The following ADAMTS6 variants were observed in gnomAD, a reference collection of about 807,000 sequenced individuals.
ADAMTS6 encodes the protein A disintegrin and metalloproteinase with thrombospondin motifs 6.
ADAMTS6 carries 23 observed loss-of-function variants against 144.3 expected under a neutral mutation model. The observed-to-expected ratio is 0.16, with a 90% CI of 0.11 to 0.23. ADAMTS6 has a LOEUF of 0.23. Among genes scored for constraint, ADAMTS6 ranks in the 10% least tolerant of loss-of-function variants. The pLI is 1.00. For synonymous variants in ADAMTS6, 444 were observed against 457.5 expected, an observed-to-expected ratio of 0.97 and a Z score of 0.38; for missense variants, 999 against 1,379.6, an observed-to-expected ratio of 0.72 and a Z score of 4.37.
intron 7 of ADAMTS6, among the ~76,000 whole-genome samples, chr5:65,448,572 C>T (rs1227846808): frequency 6.6e-6 from 1 of 152,024 alleles, no homozygotes; most frequent in African/African-American, 2.4e-5. Context: ...CCTGCCTCAG[C>T]CTCCTGAGTA....
intron 22 of ADAMTS6, among the ~76,000 whole-genome samples, chr5:65,174,378 G>A (rs1753829067): frequency 6.6e-6 from 1 of 152,202 alleles, no homozygotes; most frequent in African/African-American, 2.4e-5. Context: ...CCTGCCCTGT[G>A]GAGCATCCCT....
At chr5:65,341,116 G>A (rs1400460489) in intron 7 of ADAMTS6, among the ~76,000 whole-genome samples, 1 of 151,822 alleles carries the variant, frequency 6.6e-6, no homozygotes, top group African/African-American at 2.4e-5. Context: ...ACAAATGGAT[G>A]AAGGAATAAA....
intron 7 of ADAMTS6, among the ~76,000 whole-genome samples, chr5:65,449,666 T>C (rs1213700904): frequency 6.6e-6 from 1 of 151,996 alleles, no homozygotes; most frequent in Non-Finnish European, 1.5e-5. Flanking sequence ...TAAAAATTTA[T>C]GTTTAAATCT....
At chr5:65,449,562 A>C (rs1360598469) in intron 7 of ADAMTS6, among the ~76,000 whole-genome samples, 1 of 152,156 alleles carries the variant, frequency 6.6e-6, no homozygotes, top group Non-Finnish European at 1.5e-5. Flanking sequence ...TGGAGGTTGC[A>C]GTGAGCCGAG....
At chr5:65,266,087 T>C (rs1488746374) in intron 12 of ADAMTS6, among the ~76,000 whole-genome samples, 2 of 151,950 alleles carry the variant, frequency 1.3e-5, no homozygotes, top group African/African-American at 4.8e-5. Context: ...GTTTTTTCAT[T>C]TGTCAGGTGA....
chr5:65,324,019 A>C (rs996414268), intron 9 of ADAMTS6, among the ~76,000 whole-genome samples: 5 of 151,778 alleles, frequency 3.3e-5, no homozygotes, highest in East Asian at 3.9e-4. Flanking sequence ...TGGATATTAG[A>C]CCTTTGTCAG....
intron 21 of ADAMTS6, 23 bp from the exon 22 acceptor site, chr5:65,188,243 C>T (rs1264285271): frequency 6.2e-7 from 1 of 1,610,436 alleles, no homozygotes; most frequent in Admixed American, 1.7e-5. Context: ...ATGGAAGAAA[C>T]ACAGAAAAGC....
chr5:65,244,221 T>A (rs999293778), intron 14 of ADAMTS6, among the ~76,000 whole-genome samples: 1 of 151,848 alleles, frequency 6.6e-6, no homozygotes, highest in African/African-American at 2.4e-5. Context: ...GAAGGAAAAG[T>A]TCACATATTG....
At chr5:65,471,268 A>C in intron 2 of ADAMTS6, 126 bp from the exon 3 acceptor site, 1 of 899,880 alleles carries the variant, frequency 1.1e-6, no homozygotes, top group Non-Finnish European at 1.5e-6. Context: ...ATTATATGTG[A>C]GGTATGTACA....
intron 2 of ADAMTS6, among the ~76,000 whole-genome samples, chr5:65,472,206 T>C (rs2150285845): frequency 6.6e-6 from 1 of 152,278 alleles, no homozygotes; most frequent in Middle Eastern, 3.4e-3. Flanking sequence ...TATCATTGCA[T>C]TTATATGAAA....
chr5:65,256,579 G>A (rs1561338508), intron 14 of ADAMTS6: 1 of 152,058 alleles, frequency 6.6e-6, no homozygotes, highest in Non-Finnish European at 1.5e-5. Context: ...AGAAGACAAA[G>A]ACAGTAATAG....
At chr5:65,395,398 T>C (rs1753256956) in intron 7 of ADAMTS6, among the ~76,000 whole-genome samples, 1 of 152,154 alleles carries the variant, frequency 6.6e-6, no homozygotes, top group Non-Finnish European at 1.5e-5. Flanking sequence ...ATGCCAAGCA[T>C]CTCAAATCCA....
At chr5:65,417,154 A>G (rs1228085504) in intron 7 of ADAMTS6, among the ~76,000 whole-genome samples, 2 of 152,226 alleles carry the variant, frequency 1.3e-5, no homozygotes, top group Non-Finnish European at 2.9e-5. Flanking sequence ...TAGACACAGA[A>G]AAAGCTTTCT....
At chr5:65,415,089 TAA>T (rs1287610366) in intron 7 of ADAMTS6, among the ~76,000 whole-genome samples, 1 of 152,192 alleles carries the variant, frequency 6.6e-6, no homozygotes, top group East Asian at 1.9e-4. Context: ...TCATATATGA[TAA>T]GTCTAATATT....
intron 7 of ADAMTS6, chr5:65,415,696 G>T: frequency 4.4e-6 from 1 of 229,426 alleles, no homozygotes; most frequent in Non-Finnish European, 8.9e-6. Context: ...GACCTACGCT[G>T]GCCAGAACAC....
chr5:65,436,659 A>G (rs1757435428), intron 7 of ADAMTS6, among the ~76,000 whole-genome samples: 1 of 151,922 alleles, frequency 6.6e-6, no homozygotes, highest in Admixed American at 6.6e-5. Context: ...AACATGGTGA[A>G]ACCTGTCTCT....
chr5:65,171,151 A>G (rs1336760652), intron 23 of ADAMTS6, among the ~76,000 whole-genome samples: 1 of 152,000 alleles, frequency 6.6e-6, no homozygotes, highest in Non-Finnish European at 1.5e-5. Flanking sequence ...CTGGGACTAC[A>G]GGCACCCGCC....
chr5:65,352,710 C>T (rs1263461477), intron 7 of ADAMTS6, among the ~76,000 whole-genome samples: 1 of 152,012 alleles, frequency 6.6e-6, no homozygotes, highest in Non-Finnish European at 1.5e-5. Context: ...ATATATATAA[C>T]TGCTCATCTC....
chr5:65,437,197 C>A (rs1757501820), intron 7 of ADAMTS6, among the ~76,000 whole-genome samples: 1 of 151,712 alleles, frequency 6.6e-6, no homozygotes, highest in Non-Finnish European at 1.5e-5. Context: ...CAGGTTCAAG[C>A]CATTCTTCTG....
Sources: allele counts gnomAD v4.1 joint callset (sites outside exome capture counted in the v4.1 genomes callset), GRCh38; gene constraint gnomAD v4.1.1; transcripts MANE v1.5; gene names NCBI Gene and HGNC (gene_info 2026-07-23, HGNC 2026-07-21).